CSMD1: variants seen among roughly 807,000 people sequenced by gnomAD.
The protein encoded by CSMD1 is CUB and Sushi multiple domains 1, also known as CUB and sushi domain-containing protein 1.
CSMD1 carries 213 observed loss-of-function variants against 417.5 expected under a neutral mutation model. That is an observed-to-expected ratio of 0.51 (90% CI 0.46 to 0.57). The LOEUF (loss-of-function observed/expected upper bound fraction) is 0.57. CSMD1 is among the 20% of genes least tolerant of loss of function. The pLI, the probability that CSMD1 is intolerant of heterozygous loss-of-function variation, is 0.00. For synonymous variants in CSMD1, 2,862 were observed against 1,736.8 expected (o/e 1.65, Z -16.11); for missense variants, 6,923 against 4,529.7 (o/e 1.53, Z -15.17).
intron 3 of CSMD1, among the ~76,000 whole-genome samples, chr8:4,157,379 G>A (rs897988576): frequency 2.6e-5 from 4 of 152,208 alleles, no homozygotes; most frequent in Non-Finnish European, 4.4e-5. Flanking sequence ...GTTTATTCAC[G>A]CCAGCTCAAA....
At chr8:4,517,357 G>C (rs1210866874) in intron 2 of CSMD1, among the ~76,000 whole-genome samples, 1 of 152,190 alleles carries the variant, frequency 6.6e-6, no homozygotes, top group Non-Finnish European at 1.5e-5. Flanking sequence ...TTTGCTGTCA[G>C]TGCAGTCATA....
rs1554518393 is a variant in CSMD1 at position 3,709,680 on chromosome 8, G to GGCTTTTTTTTTT, written c.932-1190_932-1189insAAAAAAAAAAGC. On this transcript the variant is annotated intron_variant, in intron 6 of 69. Coordinates refer to ENST00000635120, the MANE Select transcript of CSMD1 (RefSeq NM_033225.6). The stretch of plus-strand genomic sequence containing the variant: ...GATGGGCTTTAAATTGCAGCAGCAT[G>GGCTTTTTTTTTT]TTTTTTTTTTTTTTTTTTTTTTTTT... 3.6e-3 allele frequency among the ~76,000 whole-genome samples: 121 copies of GGCTTTTTTTTTT among 33,694 alleles called. 15 individuals are homozygous for GGCTTTTTTTTTT. The highest frequency in any genetic ancestry group is 0.012 in the African/African-American group (111 of 9,448). The allele number at this position is 33,694 out of a possible 152,430, so 22.1% of individuals were successfully genotyped here.
At chr8:3,554,572 T>C (rs1438193244) in intron 10 of CSMD1, among the ~76,000 whole-genome samples, 1 of 152,166 alleles carries the variant, frequency 6.6e-6, no homozygotes, top group African/African-American at 2.4e-5. Flanking sequence ...ATGAAGAAGC[T>C]ACAGCCCCTC....
intron 2 of CSMD1, among the ~76,000 whole-genome samples, chr8:4,501,103 C>G (rs1802238331): frequency 6.6e-6 from 1 of 151,920 alleles, no homozygotes. Context: ...AAGGGACAAC[C>G]ATGAAGAAAA....
intron 3 of CSMD1, among the ~76,000 whole-genome samples, chr8:4,417,661 C>T (rs909895386): frequency 7.9e-5 from 12 of 151,684 alleles, no homozygotes; most frequent in Admixed American, 3.9e-4. Context: ...TAACAGGATC[C>T]GTGGGCAGTC....
chr8:3,790,719 C>T (rs1051838075), intron 5 of CSMD1, among the ~76,000 whole-genome samples: 1 of 152,146 alleles, frequency 6.6e-6, no homozygotes, highest in Admixed American at 6.5e-5. Flanking sequence ...TTGACAAAAA[C>T]ACCCAAACTT....
At chr8:4,372,702 C>G (rs548457355) in intron 3 of CSMD1, among the ~76,000 whole-genome samples, 32 of 148,312 alleles carry the variant, frequency 2.2e-4, no homozygotes, top group South Asian at 4.2e-4. Flanking sequence ...CAATAGCTAA[C>G]TGAAAGAGTT....
intron 10 of CSMD1, among the ~76,000 whole-genome samples, chr8:3,525,552 C>G (rs1025648891): frequency 4.6e-5 from 7 of 152,180 alleles, no homozygotes; most frequent in African/African-American, 1.7e-4. Flanking sequence ...AAGCGATTGC[C>G]TCTCTTGACA....
intron 3 of CSMD1, among the ~76,000 whole-genome samples, chr8:4,296,524 G>C (rs190675226): frequency 4.6e-5 from 7 of 151,932 alleles, no homozygotes; most frequent in South Asian, 2.1e-4. Context: ...ATCTATTTCT[G>C]ATGTTAAGCA....
intron 5 of CSMD1, among the ~76,000 whole-genome samples, chr8:3,887,542 T>A (rs1235007061): frequency 6.6e-6 from 1 of 152,178 alleles, no homozygotes; most frequent in Non-Finnish European, 1.5e-5. Flanking sequence ...CAGACCTTAA[T>A]CTCAACCAAT....
intron 17 of CSMD1, among the ~76,000 whole-genome samples, chr8:3,390,592 CA>C (rs1674459216): frequency 6.6e-6 from 1 of 151,896 alleles, no homozygotes; most frequent in Non-Finnish European, 1.5e-5. Flanking sequence ...AGTCTGTTCC[CA>C]CTCCTTCTTA....
chr8:3,265,871 C>T (rs893520534), intron 26 of CSMD1, among the ~76,000 whole-genome samples: 4 of 151,876 alleles, frequency 2.6e-5, no homozygotes, highest in South Asian at 2.1e-4. Flanking sequence ...AAGAGAAAAG[C>T]GGACTGAGAT....
intron 3 of CSMD1, among the ~76,000 whole-genome samples, chr8:4,213,455 T>C (rs1019941668): frequency 2.0e-5 from 3 of 152,368 alleles, no homozygotes; most frequent in African/African-American, 7.2e-5. Context: ...ACAGGAACAG[T>C]TGCCCGGATA....
intron 5 of CSMD1, among the ~76,000 whole-genome samples, chr8:3,771,451 G>T (rs770833746): frequency 6.6e-6 from 1 of 152,162 alleles, no homozygotes; most frequent in South Asian, 2.1e-4. Context: ...TCTCTCAGTT[G>T]CTGGTGGGGG....
rs113580739 is a variant in CSMD1, at chr8:3,946,861, T to G, written c.818+51042A>C. Reference sequence around the variant, plus strand: ...AATTTTAAAAATTTTGTTTTGAAATTGCTCATTGCTTGTATCGATTTATAT... The same window carrying G: ...AATTTTAAAAATTTTGTTTTGAAATGGCTCATTGCTTGTATCGATTTATAT... On this transcript the variant is annotated intron_variant, in intron 5 of 69. Transcript: ENST00000635120. Among the ~76,000 whole-genome samples, 527 of 152,308 alleles carry G rather than the reference T, an allele frequency of 3.5e-3. 6 individuals carry two copies. The highest frequency in any genetic ancestry group is 0.011 in the African/African-American group (470 of 41,588).
intron 3 of CSMD1, among the ~76,000 whole-genome samples, chr8:4,346,229 A>T (rs1800771956): frequency 6.6e-6 from 1 of 152,156 alleles, no homozygotes; most frequent in Non-Finnish European, 1.5e-5. Flanking sequence ...TGATTTTTAT[A>T]TTTTGAAATG....
chr8:3,319,103 C>T (rs1393760291), intron 23 of CSMD1, among the ~76,000 whole-genome samples: 1 of 152,104 alleles, frequency 6.6e-6, no homozygotes, highest in Admixed American at 6.5e-5. Context: ...ATGTGTCTTG[C>T]ATCCAGATAA....
chr8:4,285,670 G>C (rs1457911305), intron 3 of CSMD1, among the ~76,000 whole-genome samples: 3 of 152,312 alleles, frequency 2.0e-5, no homozygotes, highest in African/African-American at 7.2e-5. Flanking sequence ...TTGAATGGCA[G>C]TGGTGTAGGA....
chr8:4,167,720 T>G lies in CSMD1; in HGVS notation c.416-135621A>C, dbSNP rs192037542. Among the ~76,000 whole-genome samples, 158 of 152,350 alleles carry G rather than the reference T, an allele frequency of 1.0e-3. 2 individuals carry two copies. Among genetic ancestry groups the G allele is most frequent in the African/African-American group, 3.6e-3 (150 of 41,584 alleles). On this transcript the variant is annotated intron_variant, in intron 3 of 69. Transcript: ENST00000635120. ...TGATAAATAGTCAGGCTGGGTGCAG[T>G]GGTTCACACCTGTAATTCCAGCACT...
Sources: gnomAD v4.1 joint callset for allele counts (sites outside exome capture counted in the v4.1 genomes callset) on GRCh38, gnomAD v4.1.1 for gene constraint, MANE v1.5 for transcripts, NCBI Gene and HGNC (gene_info 2026-07-23, HGNC 2026-07-21) for gene names.